TM2D1: variants seen among roughly 807,000 people sequenced by gnomAD.
The protein encoded by TM2D1 is TM2 domain-containing protein 1.
Under a neutral mutation model 28.4 loss-of-function variants are expected in TM2D1, and 15 were observed. That is an observed-to-expected ratio of 0.53 (90% CI 0.35 to 0.81). The LOEUF is 0.81. Ranked by LOEUF, TM2D1 falls within the 40% of genes least tolerant of loss-of-function variation. TM2D1 has a pLI of 0.01. For synonymous variants in TM2D1, 93 were observed against 96.2 expected (o/e 0.97, Z 0.20); for missense variants, 236 against 254.9 (o/e 0.93, Z 0.50).
At chr1:61,695,384 A>G (rs1287879130) in intron 4 of TM2D1, among the ~76,000 whole-genome samples, 1 of 151,720 alleles carries the variant, frequency 6.6e-6, no homozygotes, top group South Asian at 2.1e-4. Flanking sequence ...CCAACCCAAG[A>G]GCTAAGATGC....
chr1:61,710,445 A>AAGT (rs1557536045), intron 2 of TM2D1, among the ~76,000 whole-genome samples: 2 of 125,416 alleles, frequency 1.6e-5, no homozygotes, highest in African/African-American at 3.1e-5. Flanking sequence ...AAAAAAAAAA[A>AAGT]ATGTATATAT....
rs571310578 is a variant in TM2D1 at position 61,711,336 on chromosome 1, A to T, written c.239-1899T>A. On this transcript the variant is annotated intron_variant, in intron 2 of 6. Transcript: ENST00000606498. ...AAGAGTGAAACTCCACCTCAAAAAA[A>T]AAAAAAAGAAAAAAAAATATACAAA... Among the ~76,000 whole-genome samples the T allele has an allele frequency of 2.0e-5, 3 of 151,896 alleles. No homozygotes were observed. The South Asian group carries it at 6.2e-4, about 32-fold the overall frequency.
chr1:61,702,720 T>C (rs968268926), intron 3 of TM2D1, among the ~76,000 whole-genome samples: 1 of 151,624 alleles, frequency 6.6e-6, no homozygotes, highest in African/African-American at 2.4e-5. Context: ...AGTTAATATA[T>C]TGATATTCAA....
chr1:61,683,142 C>A (rs1375949066), intron 6 of TM2D1: 2 of 164,914 alleles, frequency 1.2e-5, no homozygotes, highest in African/African-American at 4.8e-5. Context: ...TTCATCATAA[C>A]CATCAAATAA....
At chr1:61,700,025 A>C (rs1291075338) in intron 4 of TM2D1, 2 of 1,145,654 alleles carry the variant, frequency 1.7e-6, no homozygotes, top group Non-Finnish European at 2.3e-6. Context: ...GCATTCAAAA[A>C]CTTTAAATTT....
At chr1:61,688,769 G>T (rs1644303583) in intron 5 of TM2D1, among the ~76,000 whole-genome samples, 1 of 150,442 alleles carries the variant, frequency 6.6e-6, no homozygotes, top group African/African-American at 2.5e-5. Flanking sequence ...CTGTGGCTGG[G>T]TGTGGTGGCT....
intron 3 of TM2D1, among the ~76,000 whole-genome samples, chr1:61,707,314 C>A (rs1156609137): frequency 6.6e-6 from 1 of 152,062 alleles, no homozygotes; most frequent in Non-Finnish European, 1.5e-5. Flanking sequence ...TTGTATGCAG[C>A]CTAATCCATT....
At chr1:61,705,315 A>G (rs1644432790) in intron 3 of TM2D1, among the ~76,000 whole-genome samples, 1 of 152,048 alleles carries the variant, frequency 6.6e-6, no homozygotes, top group Non-Finnish European at 1.5e-5. Context: ...GCTCCTGAGT[A>G]GCTGGGATTA....
chr1:61,708,083 T>A (rs1644453433), intron 3 of TM2D1, among the ~76,000 whole-genome samples: 1 of 152,206 alleles, frequency 6.6e-6, no homozygotes, highest in African/African-American at 2.4e-5. Context: ...TTAAGTTTTT[T>A]AGAGACAGGG....
intron 1 of TM2D1, among the ~76,000 whole-genome samples, chr1:61,723,998 G>T (rs1644586841): frequency 6.6e-6 from 1 of 152,108 alleles, no homozygotes. Flanking sequence ...AGTTTGGGAA[G>T]AACAGCCTGG....
intron 2 of TM2D1, among the ~76,000 whole-genome samples, chr1:61,720,399 G>A (rs1241282437): frequency 5.3e-5 from 8 of 152,052 alleles, no homozygotes; most frequent in Admixed American, 2.6e-4. Flanking sequence ...GTGCCACTAC[G>A]CCTGGCTAAT....
At chr1:61,694,238 T>A (rs1227769676) in intron 5 of TM2D1, 1 of 152,346 alleles carries the variant, frequency 6.6e-6, no homozygotes, top group Non-Finnish European at 1.5e-5. Flanking sequence ...CAAAAGAAAA[T>A]CTTGTCTCTG....
chr1:61,708,816 A>C (rs1255802242), intron 3 of TM2D1, among the ~76,000 whole-genome samples: 3 of 151,914 alleles, frequency 2.0e-5, no homozygotes, highest in Non-Finnish European at 4.4e-5. Context: ...TGTCCCACAT[A>C]CTGGACTACT....
rs1163953838 is a variant in TM2D1, at chr1:61,691,932, AATAT to A, written c.513+2761_513+2764del. 3.1e-3 allele frequency among the ~76,000 whole-genome samples: 235 copies of A among 76,354 alleles called. 4 individuals carry two copies. The highest frequency in any genetic ancestry group is 9.8e-3 in the African/African-American group (207 of 21,148). 50.1% of individuals were successfully genotyped at this position (76,354 alleles called of 152,430 possible). On this transcript the variant is annotated intron_variant, in intron 5 of 6. Transcript: ENST00000606498. ...TCTCAAAAAAAACTTAAAAAAAAAA[AATAT>A]ATATATATATATATATATATATATG...
intron 2 of TM2D1, 135 bp from the exon 3 acceptor site, chr1:61,709,572 G>C: frequency 1.6e-6 from 1 of 631,794 alleles, no homozygotes; most frequent in Non-Finnish European, 2.8e-6. Context: ...AATTTTAGGT[G>C]GGAAAAGTGA....
intron 5 of TM2D1, 40 bp downstream of exon 5, chr1:61,694,657 G>T (rs1344796499): frequency 1.5e-6 from 2 of 1,362,100 alleles, no homozygotes; most frequent in Non-Finnish European, 2.1e-6. Context: ...ACTCAATTTT[G>T]AATGTAAAAG....
chr1:61,690,932 G>T (rs1644319245), intron 5 of TM2D1, among the ~76,000 whole-genome samples: 1 of 152,010 alleles, frequency 6.6e-6, no homozygotes, highest in African/African-American at 2.4e-5. Context: ...TGCTTGTATG[G>T]TTATTAGTTC....
At chr1:61,709,978 C>T (rs1448035670) in intron 2 of TM2D1, among the ~76,000 whole-genome samples, 1 of 152,112 alleles carries the variant, frequency 6.6e-6, no homozygotes, top group Non-Finnish European at 1.5e-5. Flanking sequence ...CAATCTTGAT[C>T]CTTCCTCATA....
chr1:61,722,791 C>T (rs935757805), intron 2 of TM2D1, among the ~76,000 whole-genome samples: 3 of 152,114 alleles, frequency 2.0e-5, no homozygotes, highest in Non-Finnish European at 2.9e-5. Context: ...TAGAGTTACA[C>T]ATAAAGAAGA....
Sources: gnomAD v4.1 joint callset for allele counts (sites outside exome capture counted in the v4.1 genomes callset) on GRCh38, gnomAD v4.1.1 for gene constraint, MANE v1.5 for transcripts, NCBI Gene and HGNC (gene_info 2026-07-23, HGNC 2026-07-21) for gene names.